The following ASTN2 variants were observed in gnomAD, a reference collection of about 807,000 sequenced individuals.
ASTN2 encodes the protein astrotactin-2.
Under a neutral mutation model 139.8 loss-of-function variants are expected in ASTN2, and 54 were observed. That is an observed-to-expected ratio of 0.39 (90% confidence interval 0.31 to 0.48). The LOEUF (loss-of-function observed/expected upper bound fraction) is 0.48, where lower values mean the gene tolerates loss of function less well. Among genes scored for constraint, ASTN2 ranks in the 20% least tolerant of loss-of-function variants. ASTN2 has a pLI of 0.95. For missense variants in ASTN2, 1,565 were observed against 1,725.1 expected, an observed-to-expected ratio of 0.91 and a Z score of 1.64; for synonymous variants, 756 against 719.5, an observed-to-expected ratio of 1.05 and a Z score of -0.81.
At chr9:116,618,913 A>G (rs767510852) in intron 18 of ASTN2, among the ~76,000 whole-genome samples, 7 of 152,166 alleles carry the variant, frequency 4.6e-5, no homozygotes, top group Non-Finnish European at 1.0e-4. Flanking sequence ...TATTGGAAGG[A>G]GCAAAAATCC....
intron 11 of ASTN2, among the ~76,000 whole-genome samples, chr9:116,822,860 T>C (rs1386569641): frequency 6.6e-6 from 1 of 152,222 alleles, no homozygotes; most frequent in Admixed American, 6.5e-5. Flanking sequence ...TGTGATTGTG[T>C]CAAAACTCTT....
Position 116,781,082 on chromosome 9 carries a change from C to T in ASTN2, c.2396+24550G>A, listed in dbSNP as rs549866848. 1.6e-3 allele frequency among the ~76,000 whole-genome samples: 246 copies of T among 152,098 alleles called. 1 individual carries two copies. Among genetic ancestry groups the T allele is most frequent in the African/African-American group, 5.7e-3 (238 of 41,498 alleles). On this transcript the variant is annotated intron_variant, in intron 13 of 22. Transcript: ENST00000313400. The stretch of plus-strand genomic sequence containing the variant: ...CTCGAACTCCTGACCTCAGGTGATC[C>T]GCCCACCTCGGCCTCCCAAAGTGTT...
chr9:117,165,264 T>C (rs985089918), intron 3 of ASTN2, among the ~76,000 whole-genome samples: 1 of 152,134 alleles, frequency 6.6e-6, no homozygotes, highest in African/African-American at 2.4e-5. Flanking sequence ...ATGATTTTAG[T>C]TCATTACAGT....
At chr9:117,242,198 C>T (rs1469317152) in intron 2 of ASTN2, among the ~76,000 whole-genome samples, 1 of 151,880 alleles carries the variant, frequency 6.6e-6, no homozygotes, top group African/African-American at 2.4e-5. Flanking sequence ...GAGAGTGTTT[C>T]CTATTTGGAA....
At chr9:116,991,472 T>C (rs1344769941) in intron 7 of ASTN2, among the ~76,000 whole-genome samples, 2 of 152,082 alleles carry the variant, frequency 1.3e-5, no homozygotes, top group East Asian at 3.9e-4. Flanking sequence ...TTGTCCCTGA[T>C]TCAATAATTC....
intron 19 of ASTN2, among the ~76,000 whole-genome samples, chr9:116,564,832 A>G (rs559858648): frequency 2.6e-5 from 4 of 152,230 alleles, no homozygotes; most frequent in African/African-American, 9.6e-5. Context: ...CTATGATACT[A>G]ATTTATAATC....
chr9:116,805,950 G>A (rs1049429481), intron 12 of ASTN2, 130 bp from the exon 13 acceptor site: 7 of 846,784 alleles, frequency 8.3e-6, no homozygotes, highest in Non-Finnish European at 1.3e-5. Context: ...TATTCTACCT[G>A]GAATCTATCT....
At chr9:117,292,240 A>G (rs997932794) in intron 1 of ASTN2, among the ~76,000 whole-genome samples, 2 of 152,106 alleles carry the variant, frequency 1.3e-5, no homozygotes, top group Non-Finnish European at 2.9e-5. Flanking sequence ...CAATCTCCCA[A>G]CTTGAAGTTT....
At chr9:116,924,844 A>G (rs1004800174) in intron 10 of ASTN2, among the ~76,000 whole-genome samples, 13 of 152,090 alleles carry the variant, frequency 8.5e-5, no homozygotes, top group African/African-American at 2.9e-4. Context: ...CTGACCTCCT[A>G]TCTCATCCTG....
chr9:117,068,459 C>T (rs1828015076), intron 5 of ASTN2, among the ~76,000 whole-genome samples: 1 of 94,748 alleles, frequency 1.1e-5, no homozygotes, highest in Admixed American at 1.0e-4. Flanking sequence ...GGATATTGGT[C>T]GAAAATTCTC....
intron 7 of ASTN2, among the ~76,000 whole-genome samples, chr9:116,990,437 T>C (rs1421159999): frequency 1.3e-5 from 2 of 149,576 alleles, no homozygotes; most frequent in Non-Finnish European, 3.0e-5. Context: ...CGGCTAGTTT[T>C]CTATTTTTTA....
At chr9:116,617,661 C>T (rs1564157762) in intron 19 of ASTN2, among the ~76,000 whole-genome samples, 1 of 151,906 alleles carries the variant, frequency 6.6e-6, no homozygotes, top group African/African-American at 2.4e-5. Flanking sequence ...GCCTGGCACA[C>T]AAAAAAACAG....
chr9:117,229,811 G>T (rs1281255667), intron 2 of ASTN2, among the ~76,000 whole-genome samples: 1 of 152,080 alleles, frequency 6.6e-6, no homozygotes, highest in African/African-American at 2.4e-5. Context: ...GACTGAGGTG[G>T]AATAGGGACT....
At chr9:116,475,984 C>G (rs1239674185) in intron 20 of ASTN2, among the ~76,000 whole-genome samples, 1 of 152,194 alleles carries the variant, frequency 6.6e-6, no homozygotes, top group Admixed American at 6.5e-5. Context: ...ATATTAGTTT[C>G]TTAGGGCTAC....
chr9:117,256,071 G>T (rs1428730387), intron 2 of ASTN2, among the ~76,000 whole-genome samples: 1 of 152,154 alleles, frequency 6.6e-6, no homozygotes, highest in African/African-American at 2.4e-5. Flanking sequence ...CGTTTTCAAT[G>T]CATTTGAGGC....
chr9:116,625,830 A>C (rs1023652796), intron 17 of ASTN2, among the ~76,000 whole-genome samples: 3 of 152,072 alleles, frequency 2.0e-5, no homozygotes, highest in African/African-American at 7.2e-5. Context: ...GAACTCTAGG[A>C]AGGAGGTGTG....
At chr9:116,556,754 T>C (rs1852639112) in intron 19 of ASTN2, among the ~76,000 whole-genome samples, 1 of 152,204 alleles carries the variant, frequency 6.6e-6, no homozygotes, top group Non-Finnish European at 1.5e-5. Flanking sequence ...TATAAATCTA[T>C]GACCAGACCC....
intron 19 of ASTN2, among the ~76,000 whole-genome samples, chr9:116,567,418 C>A (rs570326380): frequency 6.6e-6 from 1 of 152,146 alleles, no homozygotes; most frequent in African/African-American, 2.4e-5. Flanking sequence ...CGGGGTGGGG[C>A]GCCAACAGCC....
chr9:117,045,569 C>G (rs138510629), intron 5 of ASTN2, among the ~76,000 whole-genome samples: 22 of 152,160 alleles, frequency 1.4e-4, no homozygotes, highest in African/African-American at 5.3e-4. Flanking sequence ...GAAATTCGAC[C>G]GGAAATAACT....
Sources: gnomAD v4.1 joint callset for allele counts (sites outside exome capture counted in the v4.1 genomes callset) on GRCh38, gnomAD v4.1.1 for gene constraint, MANE v1.5 for transcripts, NCBI Gene and HGNC (gene_info 2026-07-23, HGNC 2026-07-21) for gene names.